Variants in CMIP observed in about 807,000 individuals in gnomAD.
CMIP encodes the protein C-Maf-inducing protein.
A neutral mutation model predicts 97.3 loss-of-function variants in CMIP; 13 were observed. The ratio of observed to expected loss-of-function variants is 0.13; its 90% CI spans 0.09 to 0.21. CMIP has a LOEUF of 0.21. Ranked by LOEUF, CMIP falls within the 10% of genes least tolerant of loss-of-function variation. CMIP has a pLI of 1.00. For missense variants in CMIP, 847 were observed against 1,024.9 expected (o/e 0.83, Z 2.37); for synonymous variants, 538 against 436.3 (o/e 1.23, Z -2.91).
rs985689665 is a variant in CMIP at position 81,616,351 on chromosome 16, G to A, written c.427-4525G>A. ...AGGGATGGGGTCCTGGCCGAGGTGT[G>A]GGGAGGGCAGGGGCAGGCGCCGGAG... On this transcript the variant is annotated intron_variant, in intron 2 of 20. Transcript: ENST00000537098. The surrounding 1 kb of genome is among the most constrained non-coding windows in gnomAD (Gnocchi z 4.7). Among the ~76,000 whole-genome samples the A allele has an allele frequency of 1.3e-5, 2 of 152,142 alleles. No individual in the cohort carries two copies. Among genetic ancestry groups the A allele is most frequent in the Non-Finnish European group, 2.9e-5 (2 of 68,010 alleles).
At chr16:81,591,460 T>A (rs1388576441) in intron 1 of CMIP, among the ~76,000 whole-genome samples, 1 of 152,194 alleles carries the variant, frequency 6.6e-6, no homozygotes, top group Non-Finnish European at 1.5e-5. Flanking sequence ...CTTTCCATAC[T>A]GGCATCTGGG....
At chr16:81,584,574 G>A (rs903213374) in intron 1 of CMIP, among the ~76,000 whole-genome samples, 1 of 152,184 alleles carries the variant, frequency 6.6e-6, no homozygotes, top group Non-Finnish European at 1.5e-5. Context: ...GAAACCATTG[G>A]TCTGTTAAGA....
chr16:81,629,309 C>A (rs374717335), intron 3 of CMIP, among the ~76,000 whole-genome samples: 6 of 152,034 alleles, frequency 3.9e-5, no homozygotes, highest in African/African-American at 1.4e-4. Context: ...AGGACTGACC[C>A]GCTTCCACAT....
At chr16:81,518,093 C>T (rs2089950750) in intron 1 of CMIP, 1 of 168,378 alleles carries the variant, frequency 5.9e-6, no homozygotes, top group African/African-American at 2.4e-5. Context: ...AGGACTCACC[C>T]TTCTTCGGAA....
At chr16:81,680,657 A>G (rs928150418) in intron 10 of CMIP, among the ~76,000 whole-genome samples, 1 of 152,204 alleles carries the variant, frequency 6.6e-6, no homozygotes, top group African/African-American at 2.4e-5. Flanking sequence ...TAAGAGAGCC[A>G]CTCCAAGAAT....
At chr16:81,497,194 G>C (rs1212213967) in intron 1 of CMIP, among the ~76,000 whole-genome samples, 2 of 152,192 alleles carry the variant, frequency 1.3e-5, no homozygotes, top group African/African-American at 4.8e-5. Context: ...GTAGCTTGGG[G>C]CTCCCCTCTG....
At chr16:81,684,992 G>A (rs1905235072) in intron 10 of CMIP, among the ~76,000 whole-genome samples, 1 of 152,224 alleles carries the variant, frequency 6.6e-6, no homozygotes, top group Non-Finnish European at 1.5e-5. Flanking sequence ...GACTCTGCTG[G>A]CCACTGGGTC....
chr16:81,698,793 C>T (rs1907057815), intron 14 of CMIP, among the ~76,000 whole-genome samples: 1 of 152,202 alleles, frequency 6.6e-6, no homozygotes, highest in Non-Finnish European at 1.5e-5. Flanking sequence ...TCCCTGGCAG[C>T]CACTTTTCCT....
In CMIP at chr16:81,701,820, G is replaced by A. The variant is rs570751301; in HGVS notation, c.1896+20G>A. 6.4e-5 allele frequency: 103 copies of A among 1,612,606 alleles called. No individual in the cohort carries two copies. The highest frequency in any genetic ancestry group is 4.4e-4 in the South Asian group (40 of 91,074). On this transcript the variant is annotated intron_variant, in intron 16 of 20. Transcript: ENST00000537098. The stretch of plus-strand genomic sequence containing the variant: ...GAGCTGGTGAGTCCCCGGCTGCTCC[G>A]GACCACTCCCCTGCCCAGCAGGCCA...
intron 1 of CMIP, among the ~76,000 whole-genome samples, chr16:81,565,229 G>A (rs1489234962): frequency 6.6e-6 from 1 of 152,152 alleles, no homozygotes; most frequent in Non-Finnish European, 1.5e-5. Flanking sequence ...GGGCCCAGAT[G>A]GATAGGAGGC....
At chr16:81,707,998 G>GGCATCCTCCAGATGCTTCTGGA (rs1215540604) in intron 20 of CMIP, among the ~76,000 whole-genome samples, 1 of 152,282 alleles carries the variant, frequency 6.6e-6, no homozygotes, top group Non-Finnish European at 1.5e-5. Flanking sequence ...TGCTCACTGG[G>GGCATCCTCCAGATGCTTCTGGA]GCATCCTCCA....
intron 18 of CMIP, 136 bp downstream of exon 18, chr16:81,704,221 C>G: frequency 1.8e-6 from 1 of 566,884 alleles, no homozygotes; most frequent in South Asian, 1.9e-5. Context: ...TGCCCCCTCC[C>G]CCTCCTCCCT....
Position 81,655,080 on chromosome 16 carries a change from C to T in CMIP, c.640-2695C>T, listed in dbSNP as rs2092468007. On this transcript the variant is annotated intron_variant, in intron 4 of 20. Coordinates refer to ENST00000537098, the MANE Select transcript of CMIP (RefSeq NM_198390.3). The surrounding 1 kb of genome is among the most constrained non-coding windows in gnomAD (Gnocchi z 4.9). ...AGTGCTTGGCACTGTGCCTAACTTG[C>T]AAGGGCCTTTGATACATGGCCACAT... 6.6e-6 allele frequency among the ~76,000 whole-genome samples: 1 copy of T among 152,208 alleles called. No individual in the cohort carries two copies. Among genetic ancestry groups the T allele is most frequent in the Admixed American group, 6.5e-5 (1 of 15,278 alleles).
intron 1 of CMIP, among the ~76,000 whole-genome samples, chr16:81,486,448 C>T (rs2089315267): frequency 6.6e-6 from 1 of 152,178 alleles, no homozygotes; most frequent in South Asian, 2.1e-4. Flanking sequence ...ACGTCCTAGG[C>T]CCTGAGACGC....
At chr16:81,475,171 T>A (rs1907823449) in intron 1 of CMIP, among the ~76,000 whole-genome samples, 1 of 152,188 alleles carries the variant, frequency 6.6e-6, no homozygotes, top group African/African-American at 2.4e-5. Context: ...CTCCTGTCTC[T>A]TTCTCTCTCT....
intron 1 of CMIP, among the ~76,000 whole-genome samples, chr16:81,595,040 C>T (rs1171919044): frequency 6.6e-6 from 1 of 151,340 alleles, no homozygotes; most frequent in Non-Finnish European, 1.5e-5. Context: ...TGTGGTCTCT[C>T]TCTCTCTCTC....
chr16:81,663,735 G>A (rs553938066), intron 6 of CMIP, among the ~76,000 whole-genome samples: 4 of 152,310 alleles, frequency 2.6e-5, no homozygotes, highest in African/African-American at 9.6e-5. Flanking sequence ...GGGGAGGCAA[G>A]GGCTGTGTCC....
intron 2 of CMIP, among the ~76,000 whole-genome samples, chr16:81,607,906 G>T (rs2091771244): frequency 6.6e-6 from 1 of 152,206 alleles, no homozygotes; most frequent in South Asian, 2.1e-4. Flanking sequence ...CTGCACACCT[G>T]CTGCAGTCTA....
intron 1 of CMIP, among the ~76,000 whole-genome samples, chr16:81,565,735 C>G (rs2090968970): frequency 6.6e-6 from 1 of 152,168 alleles, no homozygotes; most frequent in African/African-American, 2.4e-5. Context: ...CCACCTGCCC[C>G]CTACCCAGGA....
Sources: gnomAD v4.1 joint callset for allele counts (sites outside exome capture counted in the v4.1 genomes callset) on GRCh38, gnomAD v4.1.1 for gene constraint, Gnocchi (gnomAD v3.1) non-coding constraint, MANE v1.5 for transcripts, NCBI Gene and HGNC (gene_info 2026-07-23, HGNC 2026-07-21) for gene names.